TLE1: variants seen among roughly 807,000 people sequenced by gnomAD.
The protein encoded by TLE1 is TLE family member 1, transcriptional corepressor.
A neutral mutation model predicts 89.8 loss-of-function variants in TLE1; 21 were observed. The ratio of observed to expected loss-of-function variants is 0.23; its 90% CI spans 0.17 to 0.34. TLE1 has a LOEUF of 0.34. Among genes scored for constraint, TLE1 ranks in the 10% least tolerant of loss-of-function variants. TLE1 has a pLI of 1.00. For missense variants in TLE1, 795 were observed against 1,031.2 expected (o/e 0.77, Z 3.14); for synonymous variants, 447 against 407.6 (o/e 1.10, Z -1.16).
intron 8 of TLE1, among the ~76,000 whole-genome samples, chr9:81,622,256 G>A (rs1447730018): frequency 1.3e-5 from 2 of 152,100 alleles, no homozygotes; most frequent in African/African-American, 4.8e-5. Context: ...CAGCATCCAC[G>A]GCAGGGCTGT....
intron 4 of TLE1, among the ~76,000 whole-genome samples, chr9:81,680,825 C>A (rs1588251625): frequency 1.3e-5 from 2 of 151,904 alleles, no homozygotes; most frequent in African/African-American, 4.8e-5. Flanking sequence ...TGGAGCTTAA[C>A]TCTAAGTGCC....
chr9:81,678,215 TTG>T (rs1833145372), intron 4 of TLE1, among the ~76,000 whole-genome samples: 1 of 152,180 alleles, frequency 6.6e-6, no homozygotes, highest in African/African-American at 2.4e-5. Context: ...AATTTATTGT[TTG>T]TGTGTTCTGA....
At chr9:81,614,056 C>T (rs1824084074) in intron 11 of TLE1, among the ~76,000 whole-genome samples, 1 of 151,938 alleles carries the variant, frequency 6.6e-6, no homozygotes, top group Non-Finnish European at 1.5e-5. Flanking sequence ...TACAGGTGCC[C>T]GCCACCATGC....
At chr9:81,652,444 G>T (rs1001040601) in intron 5 of TLE1, among the ~76,000 whole-genome samples, 156 bp from the exon 6 acceptor site, 3 of 152,138 alleles carry the variant, frequency 2.0e-5, no homozygotes, top group Non-Finnish European at 4.4e-5. Context: ...ACAGAACATA[G>T]ATAGGGAAAG....
intron 4 of TLE1, among the ~76,000 whole-genome samples, chr9:81,671,846 G>A (rs1455776032): frequency 6.6e-6 from 1 of 152,050 alleles, no homozygotes; most frequent in African/African-American, 2.4e-5. Flanking sequence ...TTGGCCTTTG[G>A]TCAGCTAAAA....
At position 81,610,334 on chromosome 9, in the gene TLE1, T is replaced by A. The variant is rs749425226; in HGVS notation, c.1255-38A>T. The A allele has an allele frequency of 7.2e-6, 11 of 1,517,910 alleles. No homozygotes were observed. In the East Asian group the frequency reaches 2.5e-4, roughly 34 times the overall value. The allele number at this position is 1,517,910 out of a possible 1,614,324, so 94.0% of individuals were successfully genotyped here. On this transcript the variant is annotated intron_variant, in intron 13 of 19. Coordinates refer to ENST00000376499, the MANE Select transcript of TLE1 (RefSeq NM_005077.5). ...ATAAGGCATTGCAGACTCAGTTTAT[T>A]GCAGCAGGCACTTTGTGAACATCAA... is the stretch of plus-strand genomic sequence containing the variant.
intron 4 of TLE1, among the ~76,000 whole-genome samples, chr9:81,658,003 G>A (rs1830348403): frequency 2.7e-5 from 4 of 148,288 alleles, no homozygotes; most frequent in South Asian, 2.1e-4. Flanking sequence ...TCCACCTCCC[G>A]GGTTCTAAGG....
Position 81,585,548 on chromosome 9 carries a change from G to A in TLE1, c.2085C>T (p.His695=). Residue 695 remains histidine (H), a synonymous_variant, in exon 18 of 20, where the codon CAC becomes CAT. Coordinates refer to ENST00000376499, the MANE Select transcript of TLE1 (RefSeq NM_005077.5). ...HVNKPDKYQL[H]LHESCVLSLK... ...GGGACAGCACGCAGCTCTCATGCAGGTGCAGCTGGTACTTGTCAGGCTTGT... is the reference window on the plus strand; with the variant it reads ...GGGACAGCACGCAGCTCTCATGCAGATGCAGCTGGTACTTGTCAGGCTTGT... 6.2e-7 allele frequency: 1 copy of A among 1,614,116 alleles called. No individual in the cohort carries two copies. Among genetic ancestry groups the A allele is most frequent in the Admixed American group, 1.7e-5 (1 of 60,010 alleles).
chr9:81,648,366 G>A (rs73470148), intron 6 of TLE1, among the ~76,000 whole-genome samples: 3 of 151,918 alleles, frequency 2.0e-5, no homozygotes, highest in East Asian at 3.9e-4. Context: ...TAGGAGAAGG[G>A]GAAAAACTGT....
At chr9:81,663,622 C>CTTT (rs35562910) in intron 4 of TLE1, among the ~76,000 whole-genome samples, 1 of 134,700 alleles carries the variant, frequency 7.4e-6, no homozygotes, top group African/African-American at 2.8e-5. Context: ...ACAGAATAGA[C>CTTT]TTTTTTTTTT....
chr9:81,659,093 G>A (rs1830470159), intron 4 of TLE1, among the ~76,000 whole-genome samples: 1 of 151,984 alleles, frequency 6.6e-6, no homozygotes, highest in Non-Finnish European at 1.5e-5. Context: ...ATTTTTAGTA[G>A]AGATGGGGTT....
At chr9:81,687,580 C>G (rs1834471569) in intron 1 of TLE1, 146 bp from the exon 2 acceptor site, 1 of 612,372 alleles carries the variant, frequency 1.6e-6, no homozygotes, top group Admixed American at 2.7e-5. Flanking sequence ...GTTTGCCCTT[C>G]ACTATGGGGA....
chr9:81,658,404 T>C (rs1001979853), intron 4 of TLE1, among the ~76,000 whole-genome samples: 2 of 152,016 alleles, frequency 1.3e-5, no homozygotes, highest in African/African-American at 4.8e-5. Context: ...AGCCATACCA[T>C]ATGTCCTGGA....
At chr9:81,619,426 T>C (rs1415778551) in intron 9 of TLE1, among the ~76,000 whole-genome samples, 2 of 152,156 alleles carry the variant, frequency 1.3e-5, no homozygotes, top group Non-Finnish European at 2.9e-5. Flanking sequence ...TTATAAGAGT[T>C]AAATGAAATA....
In TLE1 at chr9:81,608,262, A is replaced by G. The variant is rs1025150333; in HGVS notation, c.1331+1958T>C. ...CACCAATCAGTGGAATACAATAGCT[A>G]CAACACTGCTGGCAACCACAGATAG... On this transcript the variant is annotated intron_variant, in intron 14 of 19. Transcript: ENST00000376499. 3.9e-5 allele frequency among the ~76,000 whole-genome samples: 6 copies of G among 152,246 alleles called. No individual in the cohort carries two copies. In the East Asian group the frequency reaches 1.2e-3, roughly 29 times the overall value.
At chr9:81,671,941 G>A (rs1343328863) in intron 4 of TLE1, among the ~76,000 whole-genome samples, 1 of 152,136 alleles carries the variant, frequency 6.6e-6, no homozygotes. Context: ...GGGAGCTCAT[G>A]GCCCAAGCAC....
In TLE1 at chr9:81,688,731, A is replaced by C. The variant is rs1834688115; in HGVS notation, c.-491T>G. The C allele has an allele frequency of 6.5e-6, 1 of 154,792 alleles. No homozygotes were observed. The highest frequency in any genetic ancestry group is 6.5e-5 in the Admixed American group (1 of 15,328). 9.6% of individuals were successfully genotyped at this position (154,792 alleles called of 1,614,324 possible). A position where few individuals can be genotyped will look rare whatever the true frequency, so the allele number is the denominator to read the frequency against. ...CCCGAGGCGGCGGCGGGCGAGGTGC[A>C]GGTGGCGCGGCGGCCCCCGCTAACC... is the stretch of plus-strand genomic sequence containing the variant. On this transcript the variant is annotated 5_prime_UTR_variant, in exon 1 of 20. Coordinates refer to ENST00000376499, the MANE Select transcript of TLE1 (RefSeq NM_005077.5).
At chr9:81,647,743 G>A (rs1050703268) in intron 6 of TLE1, among the ~76,000 whole-genome samples, 1 of 152,122 alleles carries the variant, frequency 6.6e-6, no homozygotes, top group Non-Finnish European at 1.5e-5. Flanking sequence ...GACTATATGA[G>A]GTCATAAAGC....
chr9:81,648,312 C>T (rs1829120025), intron 6 of TLE1, among the ~76,000 whole-genome samples: 1 of 147,786 alleles, frequency 6.8e-6, no homozygotes. Context: ...TCTTCTTTCA[C>T]ATGCCAAAAG....
Sources: allele counts gnomAD v4.1 joint callset (sites outside exome capture counted in the v4.1 genomes callset), GRCh38; gene constraint gnomAD v4.1.1; transcripts MANE v1.5; gene names NCBI Gene and HGNC (gene_info 2026-07-23, HGNC 2026-07-21).